ZNF37A: variants seen among roughly 807,000 people sequenced by gnomAD.
ZNF37A encodes zinc finger protein 37a (KOX 21).
A neutral mutation model predicts 12.3 loss-of-function variants in ZNF37A; 10 were observed. The ratio of observed to expected loss-of-function variants is 0.82; its 90% CI spans 0.50 to 1.38. The LOEUF (loss-of-function observed/expected upper bound fraction) is 1.38. ZNF37A is among the 40% of genes most tolerant of loss of function. ZNF37A has a pLI of 0.00. For synonymous variants in ZNF37A, 207 were observed against 223.0 expected (o/e 0.93, Z 0.64); for missense variants, 580 against 651.2 (o/e 0.89, Z 1.19).
At chr10:38,098,504 G>A (rs531108422) in intron 5 of ZNF37A, among the ~76,000 whole-genome samples, 24 of 152,272 alleles carry the variant, frequency 1.6e-4, no homozygotes, top group African/African-American at 5.8e-4. Flanking sequence ...AAGTATTGGA[G>A]TGGGTAATAA....
chr10:38,118,993 A>T lies in ZNF37A; in HGVS notation c.*156A>T, dbSNP rs2069525332. ...ATGAAGATAGGGAATGCAGGAAAAC[A>T]TTATTCTGGAATTTGGACCATACAC... On this transcript the variant is annotated 3_prime_UTR_variant, in exon 8 of 8. Coordinates refer to ENST00000685332, the MANE Select transcript of ZNF37A (RefSeq NM_001324250.3). The T allele has an allele frequency of 1.8e-5, 24 of 1,333,424 alleles. No homozygotes were observed. The highest frequency in any genetic ancestry group is 3.6e-5 in the Admixed American group (1 of 28,138). The allele number at this position is 1,333,424 out of a possible 1,614,324, so 82.6% of individuals were successfully genotyped here.
At chr10:38,113,835 T>C (rs1427108929) in intron 5 of ZNF37A, among the ~76,000 whole-genome samples, 1 of 152,208 alleles carries the variant, frequency 6.6e-6, no homozygotes, top group Non-Finnish European at 1.5e-5. Context: ...ACCATCAACT[T>C]CTGCTATTCG....
At chr10:38,112,362 A>T (rs1352877509) in intron 5 of ZNF37A, among the ~76,000 whole-genome samples, 1 of 151,958 alleles carries the variant, frequency 6.6e-6, no homozygotes, top group Non-Finnish European at 1.5e-5. Context: ...TGGCTTTCTG[A>T]ATTCCCTAAC....
downstream of ZNF37A, among the ~76,000 whole-genome samples, chr10:38,130,453 CTA>C (rs572222373): frequency 4.6e-5 from 7 of 152,174 alleles, no homozygotes; most frequent in African/African-American, 1.4e-4. Context: ...AAACACCACA[CTA>C]TTTTCTTTTC....
chr10:38,105,363 T>C (rs1170411369), intron 5 of ZNF37A, among the ~76,000 whole-genome samples: 1 of 152,192 alleles, frequency 6.6e-6, no homozygotes, highest in African/African-American at 2.4e-5. Flanking sequence ...TTTGATCCCT[T>C]AGATCACCAT....
At chr10:38,100,325 C>T (rs1361060910) in intron 5 of ZNF37A, among the ~76,000 whole-genome samples, 1 of 152,148 alleles carries the variant, frequency 6.6e-6, no homozygotes, top group East Asian at 1.9e-4. Flanking sequence ...GTTTTGAGAG[C>T]AACCGGTCTG....
At position 38,121,043 on chromosome 10, in the gene ZNF37A, A is replaced by G. The variant is rs2069662261; in HGVS notation, c.*2206A>G. The G allele has an allele frequency of 6.6e-6, 1 of 152,212 alleles. No individual in the cohort carries two copies. Among genetic ancestry groups the G allele is most frequent in the African/African-American group, 2.4e-5 (1 of 41,472 alleles). The allele number at this position is 152,212 out of a possible 1,614,324, so 9.4% of individuals were successfully genotyped here. ...AAACAATACCTGAGTGGAGTATTCA[A>G]AAACTTGCTTAGAAAGAAAACTCTA... On this transcript the variant is annotated 3_prime_UTR_variant, in exon 8 of 8. Coordinates refer to ENST00000685332, the MANE Select transcript of ZNF37A (RefSeq NM_001324250.3).
At chr10:38,149,761 GCGA>G (rs963853696) in exon 8 of ZNF37A, 2 of 151,920 alleles carry the variant, frequency 1.3e-5, no homozygotes, top group Non-Finnish European at 2.9e-5. Context: ...ATTTTTAGTA[GCGA>G]CGGGGTTTCA....
chr10:38,112,810 CTTCTTT>C (rs1456553143), intron 5 of ZNF37A, among the ~76,000 whole-genome samples: 1 of 55,384 alleles, frequency 1.8e-5, no homozygotes, highest in Non-Finnish European at 3.8e-5. Flanking sequence ...CTTGTCTTGT[CTTCTTT>C]TCTTTTCTTT....
Position 38,095,793 on chromosome 10 carries a change from G to A in ZNF37A, c.-56G>A, listed in dbSNP as rs1471990717. 1 of 152,134 alleles carries A rather than the reference G, an allele frequency of 6.6e-6. No individual in the cohort carries two copies. The highest frequency in any genetic ancestry group is 2.4e-5 in the African/African-American group (1 of 41,422). The allele number at this position is 152,134 out of a possible 1,614,324, so 9.4% of individuals were successfully genotyped here. A position where few individuals can be genotyped will look rare whatever the true frequency, so the allele number is the denominator to read the frequency against. ...GAGGACTCAGGAGGGTGTTTGCTGCGTTGACAACAGAGTAAGTAAAAATCA... is the reference window on the plus strand; with the variant it reads ...GAGGACTCAGGAGGGTGTTTGCTGCATTGACAACAGAGTAAGTAAAAATCA... On this transcript the variant is annotated 5_prime_UTR_variant, in exon 4 of 8. Coordinates refer to ENST00000685332, the MANE Select transcript of ZNF37A (RefSeq NM_001324250.3).
At chr10:38,146,906 CAG>C (rs2070263011) in exon 8 of ZNF37A, 1 of 394,922 alleles carries the variant, frequency 2.5e-6, no homozygotes, top group Non-Finnish European at 4.5e-6. Context: ...GAGCCACAAA[CAG>C]AGTTTGACCC....
intron 5 of ZNF37A, among the ~76,000 whole-genome samples, chr10:38,106,883 G>A (rs1405361821): frequency 6.6e-6 from 1 of 152,148 alleles, no homozygotes; most frequent in Non-Finnish European, 1.5e-5. Flanking sequence ...TGTTTGATTG[G>A]TGTACCTGAA....
chr10:38,119,268 A>C lies in ZNF37A; in HGVS notation c.*431A>C, dbSNP rs2069544114. ...AAACCTTTCATCAGAAGTCAGCTCT[A>C]ATTGTTCACCACAGAACTCATATAA... On this transcript the variant is annotated 3_prime_UTR_variant, in exon 8 of 8. Coordinates refer to ENST00000685332, the MANE Select transcript of ZNF37A (RefSeq NM_001324250.3). 2.9e-6 allele frequency: 3 copies of C among 1,050,490 alleles called. No individual in the cohort carries two copies. The South Asian group carries it at 1.1e-4, about 40-fold the overall frequency. 65.1% of individuals were successfully genotyped at this position (1,050,490 alleles called of 1,614,324 possible).
downstream of ZNF37A, chr10:38,125,121 G>A (rs1271609541): frequency 3.3e-5 from 5 of 152,024 alleles, no homozygotes; most frequent in African/African-American, 1.2e-4. Flanking sequence ...TTTCTATATA[G>A]GACAATAAAA....
downstream of ZNF37A, among the ~76,000 whole-genome samples, chr10:38,129,324 T>TAAAAAAAAAAAAAAAAAAAAAAA (rs1202965903): frequency 1.8e-4 from 12 of 65,078 alleles, no homozygotes; most frequent in South Asian, 3.3e-4. Context: ...AAAAAAAAAC[T>TAAAAAAAAAAAAAAAAAAAAAAA]ATTATTTTTT....
At chr10:38,102,574 G>T (rs1396138719) in intron 5 of ZNF37A, among the ~76,000 whole-genome samples, 1 of 152,256 alleles carries the variant, frequency 6.6e-6, no homozygotes, top group East Asian at 1.9e-4. Context: ...ATAAAAAAAA[G>T]AGAGAACATA....
chr10:38,118,127 C>T lies in ZNF37A; in HGVS notation c.976C>T (p.Pro326Ser). Residue 326 changes from proline to serine, a missense_variant, in exon 8 of 8, where the codon CCT becomes TCT. Coordinates refer to ENST00000685332, the MANE Select transcript of ZNF37A (RefSeq NM_001324250.3). ...KHQRIHTGERPYGCHECGKSF... is the reference protein window; with the variant it reads ...KHQRIHTGERSYGCHECGKSF... ...TCAAAGAATTCATACAGGGGAGAGA[C>T]CTTATGGATGTCATGAATGTGGGAA... 6.2e-7 allele frequency: 1 copy of T among 1,613,850 alleles called. No homozygotes were observed. The highest frequency in any genetic ancestry group is 1.1e-5 in the South Asian group (1 of 91,076).
At chr10:38,117,332 A>C in intron 7 of ZNF37A, 58 bp from the exon 8 acceptor site, 2 of 1,524,156 alleles carry the variant, frequency 1.3e-6, no homozygotes, top group Non-Finnish European at 1.8e-6. Context: ...TATAATGCTA[A>C]GTTTATTTCT....
At chr10:38,112,756 T>TCAG (rs1564932048) in intron 5 of ZNF37A, among the ~76,000 whole-genome samples, 3 of 51,222 alleles carry the variant, frequency 5.9e-5, no homozygotes, top group Admixed American at 2.4e-4. Context: ...TTTTCTTTTC[T>TCAG]TTTCTTTTCT....
Sources: allele counts gnomAD v4.1 joint callset (sites outside exome capture counted in the v4.1 genomes callset), GRCh38; gene constraint gnomAD v4.1.1; transcripts MANE v1.5; gene names NCBI Gene and HGNC (gene_info 2026-07-23, HGNC 2026-07-21).